Variants in PALD1 observed in about 807,000 individuals in gnomAD.
The protein encoded by PALD1 is phosphatase domain containing paladin 1.
PALD1 carries 57 observed loss-of-function variants against 96.0 expected under a neutral mutation model. That is an observed-to-expected ratio of 0.59 (90% CI 0.48 to 0.74). PALD1 has a LOEUF of 0.74. Ranked by LOEUF, PALD1 falls within the 30% of genes least tolerant of loss-of-function variation. PALD1 has a pLI of 0.00. For synonymous variants in PALD1, 464 were observed against 473.6 expected, an observed-to-expected ratio of 0.98 and a Z score of 0.26; for missense variants, 1,063 against 1,143.7, an observed-to-expected ratio of 0.93 and a Z score of 1.02.
chr10:70,538,272 G>T lies in PALD1; in HGVS notation c.1324-8G>T, dbSNP rs758111272. 4.7e-5 allele frequency: 76 copies of T among 1,600,680 alleles called. No individual in the cohort carries two copies. The highest frequency in any genetic ancestry group is 6.4e-5 in the Non-Finnish European group (75 of 1,179,910). On this transcript the variant is annotated splice_region_variant and splice_polypyrimidine_tract_variant and intron_variant, in intron 11 of 19. Transcript: ENST00000263563. The stretch of plus-strand genomic sequence containing the variant: ...CTGAATTCCTCGTCTCTCTGCCTCG[G>T]GCTGCAGTACCCGCTGGCCTTTGCC...
At chr10:70,510,261 C>A (rs1846485536) in intron 1 of PALD1, among the ~76,000 whole-genome samples, 2 of 152,168 alleles carry the variant, frequency 1.3e-5, no homozygotes, top group African/African-American at 4.8e-5. Context: ...TGGGAGATTG[C>A]TGGAGGTTGG....
intron 18 of PALD1, among the ~76,000 whole-genome samples, chr10:70,548,498 A>G (rs10999385): frequency 0.74 from 111,872 of 152,014 alleles, 41,882 homozygotes; most frequent in East Asian, 0.98. Flanking sequence ...TGTGTGGAGT[A>G]TTCACTTCTG....
chr10:70,535,542 C>G (rs1025443681), intron 10 of PALD1, among the ~76,000 whole-genome samples: 2 of 136,586 alleles, frequency 1.5e-5, no homozygotes. Context: ...CCTCTTCTTT[C>G]CTCCTCCTCC....
intron 17 of PALD1, among the ~76,000 whole-genome samples, chr10:70,543,159 A>AT (rs1382098775): frequency 6.6e-6 from 1 of 151,382 alleles, no homozygotes; most frequent in African/African-American, 2.4e-5. Context: ...GTGATGTTCA[A>AT]TATCTTTTTA....
intron 18 of PALD1, among the ~76,000 whole-genome samples, chr10:70,559,727 A>G (rs1245758547): frequency 1.3e-5 from 2 of 152,070 alleles, no homozygotes; most frequent in Admixed American, 1.3e-4. Flanking sequence ...TGCCACTGAG[A>G]TGGGCAGGCT....
In PALD1 at chr10:70,516,083, T is replaced by A. The variant is rs148079489; in HGVS notation, c.-29-9840T>A. ...CTCAGGGTCACAGAGGACTTAAGAC[T>A]CAGAGCAGTGCCACCCAGTAGAAAT... On this transcript the variant is annotated intron_variant, in intron 1 of 19. Transcript: ENST00000263563. 1.4e-3 allele frequency among the ~76,000 whole-genome samples: 219 copies of A among 152,278 alleles called. 1 individual carries two copies. Among genetic ancestry groups the A allele is most frequent in the African/African-American group, 5.1e-3 (213 of 41,550 alleles).
intron 1 of PALD1, among the ~76,000 whole-genome samples, chr10:70,522,770 CAG>C (rs1431156180): frequency 1.3e-5 from 2 of 152,330 alleles, no homozygotes; most frequent in Admixed American, 1.3e-4. Context: ...CTGTCCCTGG[CAG>C]GTGACCGCCG....
intron 1 of PALD1, among the ~76,000 whole-genome samples, chr10:70,508,740 T>C (rs1057458819): frequency 1.3e-5 from 2 of 151,230 alleles, no homozygotes; most frequent in Non-Finnish European, 2.9e-5. Context: ...CTCTCAACTC[T>C]AAGATACACG....
At chr10:70,471,670 T>C in the PALD1 span, among the ~76,000 whole-genome samples, 4 of 152,260 alleles carry the variant, frequency 2.6e-5, no homozygotes, top group Non-Finnish European at 4.4e-5. Context: ...CCTTGTTCAG[T>C]TGTCAGTTTG....
At chr10:70,508,784 C>CGTGTGTGTGT (rs111850326) in intron 1 of PALD1, among the ~76,000 whole-genome samples, 1,124 of 99,866 alleles carry the variant, frequency 0.011, 12 homozygotes, top group Non-Finnish European at 0.016. Context: ...CTCTGTATGG[C>CGTGTGTGTGT]GTGTGTGTGT....
chr10:70,487,130 A>ATTTTTTTTT (rs10669002), intron 1 of PALD1, among the ~76,000 whole-genome samples: 2 of 110,424 alleles, frequency 1.8e-5, no homozygotes, highest in Non-Finnish European at 3.5e-5. Context: ...TCTGAGCCCA[A>ATTTTTTTTT]TTTTTTTTTT....
At chr10:70,545,843 C>G (rs972794712) in intron 17 of PALD1, among the ~76,000 whole-genome samples, 1 of 152,034 alleles carries the variant, frequency 6.6e-6, no homozygotes, top group Non-Finnish European at 1.5e-5. Context: ...TCTTACACCC[C>G]CTCCTCACCC....
chr10:70,484,954 C>G (rs771479306), intron 1 of PALD1, among the ~76,000 whole-genome samples: 1 of 152,130 alleles, frequency 6.6e-6, no homozygotes, highest in Non-Finnish European at 1.5e-5. Flanking sequence ...TTGGAAAATA[C>G]AAAGTTAAAC....
Position 70,539,869 on chromosome 10 carries a change from G to A in PALD1, c.1908+107G>A. ...ATGAAACGACCCCAGCTTCTCTACG[G>A]GGCCCGGGAATGGTCTCACGAGGTT... On this transcript the variant is annotated intron_variant, in intron 15 of 19. Coordinates refer to ENST00000263563, the MANE Select transcript of PALD1 (RefSeq NM_014431.3). The surrounding 1 kb of genome is among the most constrained non-coding windows in gnomAD (Gnocchi z 4.5). 1 of 1,009,162 alleles carries A rather than the reference G, an allele frequency of 9.9e-7. No homozygotes were observed. The highest frequency in any genetic ancestry group is 1.5e-6 in the Non-Finnish European group (1 of 688,564). 62.5% of individuals were successfully genotyped at this position (1,009,162 alleles called of 1,614,324 possible).
At chr10:70,550,416 AAC>A (rs1436193693) in intron 18 of PALD1, among the ~76,000 whole-genome samples, 1 of 152,166 alleles carries the variant, frequency 6.6e-6, no homozygotes, top group Non-Finnish European at 1.5e-5. Context: ...CTGGAGGTCT[AAC>A]ACACTCCCAG....
the PALD1 span, among the ~76,000 whole-genome samples, chr10:70,464,841 T>C: frequency 1.3e-5 from 2 of 152,040 alleles, no homozygotes; most frequent in African/African-American, 4.8e-5. Context: ...TTGGCCAGGC[T>C]GGTCTCGAAC....
At chr10:70,476,749 C>T (rs572334686), upstream of PALD1, among the ~76,000 whole-genome samples, 4 of 152,206 alleles carry the variant, frequency 2.6e-5, no homozygotes, top group African/African-American at 7.2e-5. Flanking sequence ...TGTATGGAGA[C>T]GTGCCAGGCA....
At chr10:70,536,740 C>T (rs933838186) in intron 10 of PALD1, among the ~76,000 whole-genome samples, 12 of 152,186 alleles carry the variant, frequency 7.9e-5, no homozygotes, top group African/African-American at 2.4e-4. Flanking sequence ...AAAAGTTTGC[C>T]GACACCTGGT....
At chr10:70,559,444 A>G (rs10762391) in intron 18 of PALD1, among the ~76,000 whole-genome samples, 152,228 of 152,232 alleles carry the variant, frequency 1, 76,112 homozygotes, top group Middle Eastern at 1. Flanking sequence ...GGAAGAAATC[A>G]CAGGGTTTTG....
Sources: gnomAD v4.1 joint callset for allele counts (sites outside exome capture counted in the v4.1 genomes callset) on GRCh38, gnomAD v4.1.1 for gene constraint, Gnocchi (gnomAD v3.1) non-coding constraint, MANE v1.5 for transcripts, NCBI Gene and HGNC (gene_info 2026-07-23, HGNC 2026-07-21) for gene names.